The following DLG1 variants were observed in gnomAD, a reference collection of about 807,000 sequenced individuals.
DLG1 encodes the protein discs large MAGUK scaffold protein 1.
A neutral mutation model predicts 123.4 loss-of-function variants in DLG1; 42 were observed. The ratio of observed to expected loss-of-function variants is 0.34; its 90% CI spans 0.27 to 0.44. The LOEUF is 0.44. DLG1 is among the 20% of genes least tolerant of loss of function. The pLI, the probability that DLG1 is intolerant of heterozygous loss-of-function variation, is 1.00. For synonymous variants in DLG1, 317 were observed against 356.2 expected, an observed-to-expected ratio of 0.89 and a Z score of 1.24; for missense variants, 942 against 1,082.6, an observed-to-expected ratio of 0.87 and a Z score of 1.82.
intron 3 of DLG1, among the ~76,000 whole-genome samples, chr3:197,295,369 A>T (rs3915512): frequency 0.24 from 36,938 of 152,070 alleles, 5,668 homozygotes; most frequent in East Asian, 0.71. Context: ...CAATTATTCT[A>T]TCAACAGATA....
intron 5 of DLG1, among the ~76,000 whole-genome samples, chr3:197,167,082 G>C (rs1271353501): frequency 6.6e-6 from 1 of 152,056 alleles, no homozygotes; most frequent in Non-Finnish European, 1.5e-5. Context: ...GCTGCCACTG[G>C]CCAGACTGGG....
chr3:197,130,750 G>A, intron 10 of DLG1, 79 bp from the exon 11 acceptor site: 2 of 1,208,418 alleles, frequency 1.7e-6, no homozygotes, highest in African/African-American at 1.5e-5. Flanking sequence ...GAAAAGAAAG[G>A]GAAAATAAGA....
At chr3:197,164,360 G>T (rs185964811) in intron 5 of DLG1, among the ~76,000 whole-genome samples, 5 of 152,148 alleles carry the variant, frequency 3.3e-5, no homozygotes, top group Admixed American at 6.5e-5. Context: ...TTGCGCCATT[G>T]CACTCCAGCC....
rs1482059233 is a variant in DLG1, at chr3:197,130,547, G to A, written c.1145C>T (p.Ala382Val). Residue 382 changes from alanine to valine, a missense_variant, in exon 11 of 25, where the codon GCA (alanine) becomes GTA (valine). Coordinates refer to ENST00000667157, the MANE Select transcript of DLG1 (RefSeq NM_001366207.1). Reference sequence around the variant, plus strand: ...CTTACAGTTGGTGATATCAGGTGGTGCATAGCCATCATTCATATACATACT... The same window carrying A: ...CTTACAGTTGGTGATATCAGGTGGTACATAGCCATCATTCATATACATACT... ...PTSMYMNDGY[A>V]PPDITNSSSQ... 1.2e-6 allele frequency: 2 copies of A among 1,608,538 alleles called. No homozygotes were observed. The highest frequency in any genetic ancestry group is 2.2e-5 in the East Asian group (1 of 44,654).
chr3:197,271,192 C>T (rs1560096177), intron 4 of DLG1, among the ~76,000 whole-genome samples: 2 of 152,180 alleles, frequency 1.3e-5, no homozygotes, highest in African/African-American at 4.8e-5. Flanking sequence ...ATCTCCTCCT[C>T]TCACCCCCTC....
intron 13 of DLG1, among the ~76,000 whole-genome samples, chr3:197,114,869 A>C (rs1192721318): frequency 6.6e-6 from 1 of 151,966 alleles, no homozygotes; most frequent in African/African-American, 2.4e-5. Flanking sequence ...AGTCCCAGCT[A>C]CTAGGGAAGC....
chr3:197,066,650 A>T, intron 20 of DLG1, 54 bp downstream of exon 20: 1 of 1,392,906 alleles, frequency 7.2e-7, no homozygotes, highest in South Asian at 1.4e-5. Flanking sequence ...TTTCCCCCAA[A>T]TTAAAAAGTA....
chr3:197,198,996 T>C (rs975452800), intron 4 of DLG1, among the ~76,000 whole-genome samples: 2 of 152,212 alleles, frequency 1.3e-5, no homozygotes, highest in Non-Finnish European at 2.9e-5. Context: ...TGGTGGTAGG[T>C]GCACAACTCT....
At chr3:197,120,948 T>C (rs1164532056) in intron 11 of DLG1, among the ~76,000 whole-genome samples, 2 of 152,200 alleles carry the variant, frequency 1.3e-5, no homozygotes, top group Non-Finnish European at 1.5e-5. Flanking sequence ...AGTGAATTGG[T>C]ATGTAGCCCT....
chr3:197,109,827 C>CT (rs1768789778), intron 13 of DLG1, among the ~76,000 whole-genome samples: 1 of 152,136 alleles, frequency 6.6e-6, no homozygotes, highest in Admixed American at 6.5e-5. Context: ...TATTTCACTG[C>CT]TTTCTGACCT....
chr3:197,053,774 T>TAAAAA (rs35792548), intron 23 of DLG1, among the ~76,000 whole-genome samples: 14 of 97,288 alleles, frequency 1.4e-4, no homozygotes, highest in African/African-American at 2.6e-4. Context: ...CCCTGTCTCA[T>TAAAAA]AAAAAAAAAA....
chr3:197,170,427 T>C (rs1041183498), intron 5 of DLG1, among the ~76,000 whole-genome samples: 1 of 152,164 alleles, frequency 6.6e-6, no homozygotes, highest in Non-Finnish European at 1.5e-5. Flanking sequence ...ATCTCTTGTT[T>C]TGATTTTTTT....
intron 5 of DLG1, among the ~76,000 whole-genome samples, chr3:197,163,791 C>A (rs1799922786): frequency 6.7e-6 from 1 of 148,492 alleles, no homozygotes; most frequent in Admixed American, 6.8e-5. Context: ...CCCACCTTGG[C>A]CTTCCAAAGT....
At chr3:197,157,569 CTGTGGTCATAGAT>C (rs1486311610) in intron 5 of DLG1, among the ~76,000 whole-genome samples, 1 of 151,248 alleles carries the variant, frequency 6.6e-6, no homozygotes, top group Non-Finnish European at 1.5e-5. Context: ...GGGAAGGGAT[CTGTGGTCATAGAT>C]TGGAAGACTT....
In DLG1 at chr3:197,104,983, G is replaced by C; in HGVS notation, c.1466C>G (p.Ala489Gly). ...AGCTGCTGCCTGCTCATGACTAGCA[G>C]CTCTGAGGTCAACACTGTTTACCTG... is the stretch of plus-strand genomic sequence containing the variant. ...IISVNSVDLR[A>G]ASHEQAAAAL... Residue 489 changes from alanine (A) to glycine (G), a missense_variant, in exon 14 of 25, where the codon GCT (alanine) becomes GGT (glycine). Ala to Gly is a moderately conservative substitution (Grantham distance 60). Transcript: ENST00000667157. 6.2e-7 allele frequency: 1 copy of C among 1,611,674 alleles called. No individual in the cohort carries two copies.
intron 22 of DLG1, among the ~76,000 whole-genome samples, chr3:197,060,622 C>T (rs546265279): frequency 9.9e-5 from 15 of 152,280 alleles, no homozygotes; most frequent in African/African-American, 3.6e-4. Context: ...TAGGGACTGA[C>T]AAAAACTCAT....
chr3:197,297,278 T>C (rs149033272), intron 1 of DLG1, 43 bp from the exon 2 acceptor site: 4 of 1,607,136 alleles, frequency 2.5e-6, no homozygotes, highest in Non-Finnish European at 3.4e-6. Flanking sequence ...AGAATCATGT[T>C]AAACTAGCAT....
At chr3:197,055,620 GATATGAA>G (rs1246632417) in intron 23 of DLG1, among the ~76,000 whole-genome samples, 2 of 152,078 alleles carry the variant, frequency 1.3e-5, no homozygotes, top group Non-Finnish European at 2.9e-5. Context: ...ATTTTCCATG[GATATGAA>G]AACCTCCCCT....
chr3:197,186,952 C>T (rs1327991602), intron 5 of DLG1, among the ~76,000 whole-genome samples: 1 of 152,058 alleles, frequency 6.6e-6, no homozygotes, highest in Non-Finnish European at 1.5e-5. Context: ...AAAAAAAACC[C>T]ACCAAAAACC....
Sources: gnomAD v4.1 joint callset for allele counts (sites outside exome capture counted in the v4.1 genomes callset) on GRCh38, gnomAD v4.1.1 for gene constraint, MANE v1.5 for transcripts, NCBI Gene and HGNC (gene_info 2026-07-23, HGNC 2026-07-21) for gene names.